Variants in FHIT observed in about 807,000 individuals in gnomAD.
The protein encoded by FHIT is bis(5'-adenosyl)-triphosphatase.
FHIT carries 19 observed loss-of-function variants against 17.9 expected under a neutral mutation model. That is an observed-to-expected ratio of 1.06 (90% confidence interval 0.74 to 1.56). The LOEUF (loss-of-function observed/expected upper bound fraction) is 1.56, where lower values mean the gene tolerates loss of function less well. Ranked by LOEUF, FHIT falls within the 40% of genes most tolerant of loss-of-function variation. FHIT has a pLI of 0.00. For synonymous variants in FHIT, 81 were observed against 69.7 expected, an observed-to-expected ratio of 1.16 and a Z score of -0.81; for missense variants, 248 against 189.2, an observed-to-expected ratio of 1.31 and a Z score of -1.82.
rs888341105 is a variant in FHIT at position 59,973,218 on chromosome 3, C to T, written c.279+38153G>A. Among the ~76,000 whole-genome samples, 95 of 152,104 alleles carry T rather than the reference C, an allele frequency of 6.2e-4. 5 individuals are homozygous for T. The highest frequency in any genetic ancestry group is 4.4e-5 in the Non-Finnish European group (3 of 68,012). ...CCTCTAATCTGTCTTCCATCCTAAC[C>T]GTATAGTGACGCTCTTGAAACACAA... is the stretch of plus-strand genomic sequence containing the variant. On this transcript the variant is annotated intron_variant, in intron 7 of 9. Transcript: ENST00000492590.
intron 8 of FHIT, among the ~76,000 whole-genome samples, chr3:59,904,698 A>G (rs932756616): frequency 6.6e-6 from 1 of 152,172 alleles, no homozygotes; most frequent in African/African-American, 2.4e-5. Context: ...ATGAGGATAC[A>G]CTGGACATTG....
At chr3:60,534,154 G>A (rs901214870) in intron 5 of FHIT, among the ~76,000 whole-genome samples, 22 of 150,910 alleles carry the variant, frequency 1.5e-4, no homozygotes, top group Admixed American at 6.6e-5. Flanking sequence ...CAGGCCGGGC[G>A]CGGTGGCTCA....
At chr3:60,338,388 C>T (rs1710347980) in intron 5 of FHIT, among the ~76,000 whole-genome samples, 1 of 152,124 alleles carries the variant, frequency 6.6e-6, no homozygotes, top group African/African-American at 2.4e-5. Context: ...TTATTTGAGA[C>T]AGGGTCTCAC....
intron 3 of FHIT, among the ~76,000 whole-genome samples, chr3:60,841,182 A>T (rs535929144): frequency 3.9e-4 from 59 of 152,334 alleles, no homozygotes; most frequent in African/African-American, 1.3e-3. Context: ...CCCTATTGTA[A>T]GTTGTCTTGT....
chr3:60,420,330 C>T (rs945728830), intron 5 of FHIT, among the ~76,000 whole-genome samples: 3 of 152,086 alleles, frequency 2.0e-5, no homozygotes, highest in African/African-American at 7.2e-5. Context: ...GTTCATTCAA[C>T]TAGTCTCAAG....
chr3:61,013,516 C>A (rs2031912237), intron 3 of FHIT, among the ~76,000 whole-genome samples: 1 of 152,148 alleles, frequency 6.6e-6, no homozygotes, highest in African/African-American at 2.4e-5. Flanking sequence ...GTCCAAAATA[C>A]AAATGCATTG....
chr3:59,828,487 C>A (rs549532590), intron 8 of FHIT, among the ~76,000 whole-genome samples: 1 of 152,284 alleles, frequency 6.6e-6, no homozygotes, highest in Non-Finnish European at 1.5e-5. Flanking sequence ...GTTATCCCAG[C>A]CAAGTGTATG....
chr3:61,247,996 ATG>A (rs559206452), intron 1 of FHIT, among the ~76,000 whole-genome samples: 2 of 152,238 alleles, frequency 1.3e-5, no homozygotes, highest in Non-Finnish European at 2.9e-5. Context: ...CTTCTCTGCT[ATG>A]TCTTACTATA....
chr3:60,755,423 G>A (rs1553718018), intron 4 of FHIT, among the ~76,000 whole-genome samples: 1 of 152,150 alleles, frequency 6.6e-6, no homozygotes, highest in African/African-American at 2.4e-5. Flanking sequence ...TGCATTCTAT[G>A]GATAATATCT....
chr3:60,961,510 T>C (rs1709442049), intron 3 of FHIT, among the ~76,000 whole-genome samples: 1 of 152,226 alleles, frequency 6.6e-6, no homozygotes. Context: ...TACCCATGCC[T>C]ATATCCTGAA....
intron 5 of FHIT, among the ~76,000 whole-genome samples, chr3:60,274,603 T>A (rs2107634039): frequency 6.6e-6 from 1 of 152,256 alleles, no homozygotes; most frequent in South Asian, 2.1e-4. Context: ...CCCATAGCAA[T>A]AACAGCAACA....
chr3:61,123,266 C>G (rs2036511272), intron 2 of FHIT, among the ~76,000 whole-genome samples: 1 of 152,110 alleles, frequency 6.6e-6, no homozygotes, highest in Admixed American at 6.5e-5. Flanking sequence ...AAACCAAACA[C>G]TGCAAATTTT....
chr3:60,449,660 A>G (rs543385454), intron 5 of FHIT, among the ~76,000 whole-genome samples: 1 of 152,236 alleles, frequency 6.6e-6, no homozygotes. Flanking sequence ...TAATTGTAAC[A>G]CACTGGCAAG....
intron 5 of FHIT, among the ~76,000 whole-genome samples, chr3:60,462,881 G>A (rs1576698335): frequency 6.6e-6 from 1 of 152,146 alleles, no homozygotes; most frequent in Non-Finnish European, 1.5e-5. Flanking sequence ...CCTCCCAATA[G>A]GCAGGCCGAC....
chr3:60,221,465 T>C (rs213409), intron 5 of FHIT, among the ~76,000 whole-genome samples: 150,897 of 152,278 alleles, frequency 0.99, 74,771 homozygotes, highest in Middle Eastern at 1. Context: ...TCAGCAACTA[T>C]AGACATCTGT....
At chr3:60,058,275 G>C (rs1390027295) in intron 5 of FHIT, among the ~76,000 whole-genome samples, 7 of 151,332 alleles carry the variant, frequency 4.6e-5, no homozygotes, top group Admixed American at 4.6e-4. Context: ...CTCCTGAGTA[G>C]CTGGGATTAC....
intron 3 of FHIT, among the ~76,000 whole-genome samples, chr3:60,925,025 A>T (rs1320897260): frequency 2.0e-5 from 3 of 152,198 alleles, no homozygotes; most frequent in Admixed American, 2.0e-4. Context: ...AATAAAAAGA[A>T]ATGAACAAAG....
intron 5 of FHIT, among the ~76,000 whole-genome samples, chr3:60,130,801 A>ACC: frequency 6.9e-6 from 1 of 145,276 alleles, no homozygotes; most frequent in Non-Finnish European, 1.5e-5. Context: ...ATATACACAC[A>ACC]TATATATGTG....
chr3:60,051,368 A>G (rs1243976994), intron 5 of FHIT, among the ~76,000 whole-genome samples: 1 of 145,586 alleles, frequency 6.9e-6, no homozygotes, highest in Non-Finnish European at 1.5e-5. Context: ...GCTTCAGCCA[A>G]TCACAGGCTG....
Sources: allele counts gnomAD v4.1 joint callset (sites outside exome capture counted in the v4.1 genomes callset), GRCh38; gene constraint gnomAD v4.1.1; transcripts MANE v1.5; gene names NCBI Gene and HGNC (gene_info 2026-07-23, HGNC 2026-07-21).